The following ADAMTS2 variants were observed in gnomAD, a reference collection of about 807,000 sequenced individuals.
ADAMTS2 encodes the protein A disintegrin and metalloproteinase with thrombospondin motifs 2.
ADAMTS2 carries 50 observed loss-of-function variants against 123.0 expected under a neutral mutation model. That is an observed-to-expected ratio of 0.41 (90% CI 0.32 to 0.51). ADAMTS2 has a LOEUF of 0.51. Among genes scored for constraint, ADAMTS2 ranks in the 20% least tolerant of loss-of-function variants. ADAMTS2 has a pLI of 0.35. For synonymous variants in ADAMTS2, 678 were observed against 695.4 expected (o/e 0.98, Z 0.39); for missense variants, 1,494 against 1,705.2 (o/e 0.88, Z 2.18).
chr5:179,270,920 C>T (rs548905755), intron 3 of ADAMTS2, among the ~76,000 whole-genome samples: 3 of 152,318 alleles, frequency 2.0e-5, no homozygotes, highest in Admixed American at 2.0e-4. Context: ...CCCAGGCCCA[C>T]GCTCACATCC....
At chr5:179,311,872 T>C (rs893077422) in intron 2 of ADAMTS2, among the ~76,000 whole-genome samples, 1 of 152,242 alleles carries the variant, frequency 6.6e-6, no homozygotes, top group African/African-American at 2.4e-5. Context: ...TCTATCTCCA[T>C]GGTCCTGAAT....
In ADAMTS2 at chr5:179,274,571, C is replaced by T. The variant is rs561537662; in HGVS notation, c.535-1507G>A. 7.9e-5 allele frequency among the ~76,000 whole-genome samples: 12 copies of T among 152,374 alleles called. No individual in the cohort carries two copies. The Middle Eastern group carries it at 0.014, about 173-fold the overall frequency. ...CAAAGTAACCTCATGATGGCCTCTGCCATATCATCATCTTGGTTGTGGGGG... is the reference window on the plus strand; with the variant it reads ...CAAAGTAACCTCATGATGGCCTCTGTCATATCATCATCTTGGTTGTGGGGG... On this transcript the variant is annotated intron_variant, in intron 2 of 21. Coordinates refer to ENST00000251582, the MANE Select transcript of ADAMTS2 (RefSeq NM_014244.5).
intron 2 of ADAMTS2, among the ~76,000 whole-genome samples, chr5:179,320,939 A>G (rs1277346701): frequency 2.0e-5 from 3 of 152,188 alleles, no homozygotes; most frequent in Non-Finnish European, 4.4e-5. Flanking sequence ...AAATCGACAC[A>G]GAGGAGAGCA....
rs2113200677 is a variant in ADAMTS2 at position 179,130,203 on chromosome 5, T to C, written c.2291-105A>G. 1 of 1,427,284 alleles carries C rather than the reference T, an allele frequency of 7.0e-7. No homozygotes were observed. 88.4% of individuals were successfully genotyped at this position (1,427,284 alleles called of 1,614,324 possible). Reference sequence around the variant, plus strand: ...AGTGGGGGCAGCTAGCTGGACCCCTTGTCTCTCTGGCTGCCCCCGGCCAGT... The same window carrying C: ...AGTGGGGGCAGCTAGCTGGACCCCTCGTCTCTCTGGCTGCCCCCGGCCAGT... On this transcript the variant is annotated intron_variant, in intron 15 of 21. Coordinates refer to ENST00000251582, the MANE Select transcript of ADAMTS2 (RefSeq NM_014244.5). This position sits in a 1 kb window ranked among gnomAD's most constrained non-coding sequence, Gnocchi z 4.3.
intron 3 of ADAMTS2, among the ~76,000 whole-genome samples, chr5:179,220,156 T>C (rs949285148): frequency 6.6e-6 from 1 of 152,168 alleles, no homozygotes; most frequent in Non-Finnish European, 1.5e-5. Flanking sequence ...TGGGGGCCGA[T>C]GGAGAGGCCG....
In ADAMTS2 at chr5:179,114,129, A is replaced by C. The variant is rs1561762055; in HGVS notation, c.3374T>G (p.Val1125Gly). The change falls in exon 22 of 22, where the codon GTG (valine) becomes GGG (glycine). Residue 1125 changes from valine (V) to glycine (G), a missense_variant. Val to Gly is a moderately radical substitution (Grantham distance 109, BLOSUM62 -3). Coordinates refer to ENST00000251582, the MANE Select transcript of ADAMTS2 (RefSeq NM_014244.5). ...CCGCACCTCCATGGCTACAGTGGGC[A>C]CTGGGAGGGTAGGCATGAACACGTC... ...DIDVFMPTLPVPTVAMEVRPS... is the reference protein window; with the variant it reads ...DIDVFMPTLPGPTVAMEVRPS... 1 of 1,613,900 alleles carries C rather than the reference A, an allele frequency of 6.2e-7. No homozygotes were observed. The highest frequency in any genetic ancestry group is 1.3e-5 in the African/African-American group (1 of 74,892).
intron 2 of ADAMTS2, among the ~76,000 whole-genome samples, chr5:179,328,069 C>T (rs2127458220): frequency 6.6e-6 from 1 of 152,344 alleles, no homozygotes; most frequent in African/African-American, 2.4e-5. Flanking sequence ...CGCTCTGTCG[C>T]CCAGGCTGGA....
intron 3 of ADAMTS2, among the ~76,000 whole-genome samples, chr5:179,249,735 T>G (rs771501142): frequency 5.3e-5 from 8 of 152,088 alleles, no homozygotes; most frequent in Non-Finnish European, 1.2e-4. Flanking sequence ...CTATAACAAG[T>G]AAAGAGCTTG....
intron 3 of ADAMTS2, among the ~76,000 whole-genome samples, chr5:179,213,603 G>T (rs930584758): frequency 2.0e-5 from 3 of 152,196 alleles, no homozygotes; most frequent in African/African-American, 7.2e-5. Context: ...GGGCCACACT[G>T]GGGGTGGGGA....
At chr5:179,230,410 C>T (rs989131304) in intron 3 of ADAMTS2, among the ~76,000 whole-genome samples, 1 of 152,126 alleles carries the variant, frequency 6.6e-6, no homozygotes, top group African/African-American at 2.4e-5. Context: ...CTGGTGGTCA[C>T]TTATGCGCTC....
intron 3 of ADAMTS2, among the ~76,000 whole-genome samples, chr5:179,217,563 T>A (rs1240383857): frequency 6.6e-6 from 1 of 152,192 alleles, no homozygotes; most frequent in African/African-American, 2.4e-5. Flanking sequence ...CAAAAGGAAG[T>A]CATGGAAGTG....
At chr5:179,292,017 T>A (rs988795558) in intron 2 of ADAMTS2, among the ~76,000 whole-genome samples, 1 of 151,914 alleles carries the variant, frequency 6.6e-6, no homozygotes, top group African/African-American at 2.4e-5. Context: ...ATGCTGGGAT[T>A]ACAGATGTGA....
At chr5:179,235,340 T>C (rs372121506) in intron 3 of ADAMTS2, among the ~76,000 whole-genome samples, 1 of 152,204 alleles carries the variant, frequency 6.6e-6, no homozygotes, top group Non-Finnish European at 1.5e-5. Flanking sequence ...GGAGCAAGAA[T>C]ACGAGCTCAT....
At chr5:179,316,475 C>T (rs1484355094) in intron 2 of ADAMTS2, among the ~76,000 whole-genome samples, 1 of 152,152 alleles carries the variant, frequency 6.6e-6, no homozygotes, top group African/African-American at 2.4e-5. Context: ...CCTGCCTAGG[C>T]CCCCTAGGGC....
chr5:179,230,854 T>C (rs971620933), intron 3 of ADAMTS2, among the ~76,000 whole-genome samples: 33 of 151,966 alleles, frequency 2.2e-4, no homozygotes, highest in African/African-American at 7.3e-4. Flanking sequence ...CTACTAAAAA[T>C]ACAAAAATTA....
At chr5:179,145,930 G>A (rs1047762954) in intron 10 of ADAMTS2, among the ~76,000 whole-genome samples, 2 of 152,156 alleles carry the variant, frequency 1.3e-5, no homozygotes, top group South Asian at 2.1e-4. Context: ...TCGGCTCACC[G>A]CAACCTCTGC....
chr5:179,134,862 AGCTCCCG>A, intron 13 of ADAMTS2, among the ~76,000 whole-genome samples: 1 of 31,008 alleles, frequency 3.2e-5, no homozygotes, highest in Non-Finnish European at 6.0e-5. Context: ...TCCAGCTCCC[AGCTCCCG>A]GGTCCAGCTC....
At chr5:179,289,877 C>T (rs559181016) in intron 2 of ADAMTS2, among the ~76,000 whole-genome samples, 11 of 152,346 alleles carry the variant, frequency 7.2e-5, no homozygotes, top group Admixed American at 7.2e-4. Context: ...CATGGGGATG[C>T]ACCGTCTACA....
intron 3 of ADAMTS2, among the ~76,000 whole-genome samples, chr5:179,248,992 A>G (rs2113465272): frequency 6.6e-6 from 1 of 152,270 alleles, no homozygotes; most frequent in African/African-American, 2.4e-5. Context: ...TTAGGTCACA[A>G]AACAAGTCTC....
Sources: gnomAD v4.1 joint callset for allele counts (sites outside exome capture counted in the v4.1 genomes callset) on GRCh38, gnomAD v4.1.1 for gene constraint, Gnocchi (gnomAD v3.1) non-coding constraint, MANE v1.5 for transcripts, NCBI Gene and HGNC (gene_info 2026-07-23, HGNC 2026-07-21) for gene names.